Variants in ZMYM2 observed in about 807,000 individuals in gnomAD.
ZMYM2 encodes the protein zinc finger MYM-type protein 2.
Under a neutral mutation model 162.8 loss-of-function variants are expected in ZMYM2, and 56 were observed. The ratio of observed to expected loss-of-function variants is 0.34; its 90% CI spans 0.28 to 0.43. The LOEUF is 0.43. ZMYM2 is among the 20% of genes least tolerant of loss of function. The pLI, the probability that ZMYM2 is intolerant of heterozygous loss-of-function variation, is 1.00. For missense variants in ZMYM2, 1,275 were observed against 1,621.8 expected (o/e 0.79, Z 3.67); for synonymous variants, 510 against 541.6 (o/e 0.94, Z 0.81).
At chr13:19,905,179 A>T in the ZMYM2 span, among the ~76,000 whole-genome samples, 1 of 151,822 alleles carries the variant, frequency 6.6e-6, no homozygotes, top group African/African-American at 2.4e-5. Context: ...GCTCCAGTTA[A>T]TTTTTGTATT....
chr13:20,000,336 T>G (rs1421157850), intron 3 of ZMYM2, among the ~76,000 whole-genome samples: 1 of 152,230 alleles, frequency 6.6e-6, no homozygotes, highest in Non-Finnish European at 1.5e-5. Context: ...AAGGTGAAGC[T>G]GCAAGTGCTG....
chr13:20,065,343 A>G (rs1320103677), intron 19 of ZMYM2, among the ~76,000 whole-genome samples: 1 of 152,172 alleles, frequency 6.6e-6, no homozygotes, highest in East Asian at 1.9e-4. Flanking sequence ...CTAACAATAT[A>G]AAACTCTTAG....
At chr13:19,906,284 GTA>G in the ZMYM2 span, among the ~76,000 whole-genome samples, 1,399 of 63,742 alleles carry the variant, frequency 0.022, 16 homozygotes, top group Middle Eastern at 0.036. Flanking sequence ...TCAAAAAAAA[GTA>G]TATATATATA....
At chr13:19,988,969 C>G (rs1949394423) in intron 2 of ZMYM2, among the ~76,000 whole-genome samples, 1 of 152,126 alleles carries the variant, frequency 6.6e-6, no homozygotes, top group Non-Finnish European at 1.5e-5. Context: ...CAGTCAGATG[C>G]TTAGCTGCAT....
the ZMYM2 span, among the ~76,000 whole-genome samples, chr13:19,945,216 AC>A: frequency 1.1e-4 from 16 of 152,094 alleles, no homozygotes; most frequent in African/African-American, 3.9e-4. Flanking sequence ...TAAGTAGAAT[AC>A]TCAGCAATGT....
chr13:20,085,706 A>AT, intron 24 of ZMYM2, 116 bp from the exon 25 acceptor site: 2 of 762,604 alleles, frequency 2.6e-6, no homozygotes, highest in South Asian at 2.3e-5. Flanking sequence ...ACAGTGGGGC[A>AT]TAGGGGGTCT....
At chr13:20,049,631 T>C (rs1051862549) in intron 12 of ZMYM2, among the ~76,000 whole-genome samples, 1 of 152,126 alleles carries the variant, frequency 6.6e-6, no homozygotes, top group African/African-American at 2.4e-5. Context: ...GCCTAGGTTT[T>C]GAATTGGTTG....
At chr13:19,914,507 T>C in the ZMYM2 span, among the ~76,000 whole-genome samples, 1 of 152,350 alleles carries the variant, frequency 6.6e-6, no homozygotes, top group South Asian at 2.1e-4. Context: ...GTCCCTGATA[T>C]GGCACCATTC....
At chr13:19,884,200 C>T in the ZMYM2 span, among the ~76,000 whole-genome samples, 1 of 152,088 alleles carries the variant, frequency 6.6e-6, no homozygotes, top group African/African-American at 2.4e-5. Flanking sequence ...AGATCCCCAG[C>T]TCTCAAAAAA....
the ZMYM2 span, among the ~76,000 whole-genome samples, chr13:19,952,302 A>C: frequency 3.3e-5 from 5 of 152,266 alleles, no homozygotes; most frequent in Admixed American, 2.0e-4. Flanking sequence ...ACATAGGAGG[A>C]AGTTCAAGAG....
At chr13:19,997,854 T>C (rs1370010052) in intron 3 of ZMYM2, among the ~76,000 whole-genome samples, 1 of 152,202 alleles carries the variant, frequency 6.6e-6, no homozygotes, top group Non-Finnish European at 1.5e-5. Context: ...TCTTGAAATT[T>C]TGTTCATGTC....
At chr13:19,943,531 G>A in the ZMYM2 span, among the ~76,000 whole-genome samples, 6 of 152,254 alleles carry the variant, frequency 3.9e-5, no homozygotes, top group African/African-American at 1.4e-4. Flanking sequence ...ATCCAGTCAT[G>A]AGAGTCATTT....
the ZMYM2 span, among the ~76,000 whole-genome samples, chr13:19,917,095 T>A: frequency 1.3e-5 from 2 of 152,002 alleles, no homozygotes; most frequent in African/African-American, 2.4e-5. Flanking sequence ...CCGGAGTAGC[T>A]GGGACTACAG....
the ZMYM2 span, among the ~76,000 whole-genome samples, chr13:19,870,595 C>CCTTCCTTCCTTT: frequency 7.0e-6 from 1 of 142,826 alleles, no homozygotes; most frequent in Non-Finnish European, 1.5e-5. Flanking sequence ...TTCCTTCCTT[C>CCTTCCTTCCTTT]CTTTCTTTCT....
chr13:20,004,995 A>G lies in ZMYM2; in HGVS notation c.1134-79A>G, dbSNP rs1291365551. ...TTGATTTGCAGGACTTAGTCTATAG[A>G]AATGAAAAATGTCACTTATGACTCT... On this transcript the variant is annotated intron_variant, in intron 4 of 24. Transcript: ENST00000610343. 2.5e-6 allele frequency: 3 copies of G among 1,187,184 alleles called. No individual in the cohort carries two copies. The East Asian group carries it at 7.9e-5, about 31-fold the overall frequency. 73.5% of individuals were successfully genotyped at this position (1,187,184 alleles called of 1,614,324 possible). A position where few individuals can be genotyped will look rare whatever the true frequency, so the allele number is the denominator to read the frequency against.
chr13:20,003,072 C>T lies in ZMYM2; in HGVS notation c.1070C>T (p.Thr357Ile), dbSNP rs766864570. The change falls in exon 4 of 25, where the codon ACC (threonine) becomes ATC (isoleucine). Residue 357 changes from threonine (T) to isoleucine (I), a missense_variant. By Grantham distance (89) the Thr-to-Ile change is moderately conservative (BLOSUM62 -1). Around this residue, in one of 10 missense-constraint regions of ZMYM2, gnomAD observed 115 missense variants for 175.3 expected, o/e 0.66. Transcript: ENST00000610343. ...GGATCAGCTCACCTCTTTTGTTCTA[C>T]CACCTGCCTTTCTTCCTTCTCCCAC... Reference protein sequence around the residue: ...RKGSAHLFCSTTCLSSFSHKP... With the variant: ...RKGSAHLFCSITCLSSFSHKP... 1 of 1,614,190 alleles carries T rather than the reference C, an allele frequency of 6.2e-7. No homozygotes were observed. Among genetic ancestry groups the T allele is most frequent in the Non-Finnish European group, 8.5e-7 (1 of 1,180,026 alleles).
At chr13:20,053,649 T>G (rs1408553246) in intron 14 of ZMYM2, among the ~76,000 whole-genome samples, 2 of 152,116 alleles carry the variant, frequency 1.3e-5, no homozygotes, top group African/African-American at 2.4e-5. Context: ...TGAAACTCCA[T>G]CTCCATTAAC....
the ZMYM2 span, among the ~76,000 whole-genome samples, chr13:19,878,952 C>G: frequency 6.6e-6 from 1 of 152,142 alleles, no homozygotes; most frequent in South Asian, 2.1e-4. Context: ...CCTTTTTACT[C>G]TGCTGACAGC....
chr13:20,005,416 T>C (rs1950664962), intron 5 of ZMYM2, among the ~76,000 whole-genome samples, 177 bp downstream of exon 5: 1 of 149,606 alleles, frequency 6.7e-6, no homozygotes, highest in Admixed American at 6.6e-5. Context: ...CTTATAAATA[T>C]CCTTTTATAT....
Sources: allele counts gnomAD v4.1 joint callset (sites outside exome capture counted in the v4.1 genomes callset), GRCh38; gene constraint gnomAD v4.1.1; regional missense constraint gnomAD v4.1.1; transcripts MANE v1.5; gene names NCBI Gene and HGNC (gene_info 2026-07-23, HGNC 2026-07-21).